Variants in CPEB1 observed in about 807,000 individuals in gnomAD.
CPEB1 encodes cytoplasmic polyadenylation element binding protein 1.
A neutral mutation model predicts 65.8 loss-of-function variants in CPEB1; 7 were observed. The observed-to-expected ratio is 0.11, with a 90% CI of 0.06 to 0.20. CPEB1 has a LOEUF of 0.20. Among genes scored for constraint, CPEB1 ranks in the 10% least tolerant of loss-of-function variants. The pLI, the probability that CPEB1 is intolerant of heterozygous loss-of-function variation, is 1.00. For synonymous variants in CPEB1, 262 were observed against 260.0 expected, an observed-to-expected ratio of 1.01 and a Z score of -0.08; for missense variants, 551 against 712.2, an observed-to-expected ratio of 0.77 and a Z score of 2.58.
intron 4 of CPEB1, among the ~76,000 whole-genome samples, chr15:82,561,012 A>G (rs1001879795): frequency 1.3e-5 from 2 of 152,254 alleles, no homozygotes; most frequent in African/African-American, 4.8e-5. Context: ...AAGACAGAAC[A>G]AAGTCAATAG....
intron 3 of CPEB1, among the ~76,000 whole-genome samples, chr15:82,578,070 G>A (rs996523958): frequency 1.3e-5 from 2 of 152,120 alleles, no homozygotes; most frequent in Non-Finnish European, 2.9e-5. Context: ...AACCCAGGAG[G>A]CGGAGTTTGC....
chr15:82,647,814 C>G, upstream of CPEB1: 1 of 1,282,796 alleles, frequency 7.8e-7, no homozygotes. Context: ...CTACTGCGGC[C>G]GGGACGCGGC....
intron 3 of CPEB1, among the ~76,000 whole-genome samples, chr15:82,609,720 G>C (rs1050165018): frequency 6.6e-6 from 1 of 151,174 alleles, no homozygotes; most frequent in Non-Finnish European, 1.5e-5. Context: ...AAGAAGAAAT[G>C]AAAGTGGGTA....
At chr15:82,572,886 G>T in intron 3 of CPEB1, 1 of 722,026 alleles carries the variant, frequency 1.4e-6, no homozygotes, top group Non-Finnish European at 2.1e-6. Flanking sequence ...TGGAGCTTCC[G>T]CCATTTCCTC....
intron 3 of CPEB1, among the ~76,000 whole-genome samples, chr15:82,609,048 A>G (rs2043887551): frequency 6.6e-6 from 1 of 152,226 alleles, no homozygotes; most frequent in South Asian, 2.1e-4. Context: ...GAAAACTGGA[A>G]AATTCTCAAA....
intron 3 of CPEB1, among the ~76,000 whole-genome samples, chr15:82,580,031 G>T (rs2041111397): frequency 1.6e-5 from 2 of 127,868 alleles, no homozygotes; most frequent in African/African-American, 5.7e-5. Flanking sequence ...TAGGAGAAAA[G>T]AAATAATGGG....
chr15:82,550,203 T>C (rs543424930), intron 9 of CPEB1, among the ~76,000 whole-genome samples: 1 of 152,294 alleles, frequency 6.6e-6, no homozygotes, highest in East Asian at 1.9e-4. Context: ...GAAAGTCACA[T>C]ACAAGATCCC....
intron 3 of CPEB1, among the ~76,000 whole-genome samples, chr15:82,595,258 T>C (rs1368073956): frequency 6.6e-6 from 1 of 152,250 alleles, no homozygotes; most frequent in Non-Finnish European, 1.5e-5. Context: ...TTTGGGATAT[T>C]ATGAACGACA....
chr15:82,555,394 T>TCC (rs1212640822), intron 6 of CPEB1, among the ~76,000 whole-genome samples: 3 of 152,186 alleles, frequency 2.0e-5, no homozygotes, highest in African/African-American at 2.4e-5. Context: ...AATGGACCCC[T>TCC]CCTTCCCCAG....
chr15:82,582,737 CTTTTT>C (rs11300517), intron 3 of CPEB1, among the ~76,000 whole-genome samples: 1 of 87,398 alleles, frequency 1.1e-5, no homozygotes, highest in Non-Finnish European at 2.1e-5. Context: ...ACTAGGAGTT[CTTTTT>C]TTTTTTTTTT....
At chr15:82,627,925 G>A (rs1311465049) in intron 2 of CPEB1, among the ~76,000 whole-genome samples, 2 of 152,034 alleles carry the variant, frequency 1.3e-5, no homozygotes, top group African/African-American at 4.8e-5. Flanking sequence ...TTTTAATACT[G>A]GACAATGCCC....
chr15:82,646,635 G>A (rs2047561121), intron 1 of CPEB1, among the ~76,000 whole-genome samples: 1 of 152,082 alleles, frequency 6.6e-6, no homozygotes, highest in African/African-American at 2.4e-5. Context: ...AAGCGCCCAA[G>A]AGCCCAGGCG....
At chr15:82,640,344 C>G (rs937157525) in intron 1 of CPEB1, among the ~76,000 whole-genome samples, 1 of 151,998 alleles carries the variant, frequency 6.6e-6, no homozygotes, top group Admixed American at 6.6e-5. Flanking sequence ...TTGTGCATGC[C>G]TTTTTATACT....
chr15:82,618,365 T>C (rs1474026589), intron 3 of CPEB1, among the ~76,000 whole-genome samples: 1 of 152,194 alleles, frequency 6.6e-6, no homozygotes, highest in Non-Finnish European at 1.5e-5. Context: ...TTCTCTCTCA[T>C]ATACACTTTG....
At chr15:82,581,437 C>T (rs783533) in intron 3 of CPEB1, among the ~76,000 whole-genome samples, 75,354 of 152,028 alleles carry the variant, frequency 0.5, 19,198 homozygotes, top group African/African-American at 0.62. Flanking sequence ...TTCAAGTCCT[C>T]GCTTTCAATT....
At chr15:82,582,340 G>A (rs2041357906) in intron 3 of CPEB1, among the ~76,000 whole-genome samples, 1 of 152,150 alleles carries the variant, frequency 6.6e-6, no homozygotes, top group Non-Finnish European at 1.5e-5. Flanking sequence ...ACTGCATGCA[G>A]GATAAAAATC....
upstream of CPEB1, chr15:82,647,609 G>GC: frequency 3.0e-6 from 1 of 329,382 alleles, no homozygotes. Flanking sequence ...CCCACCGGCC[G>GC]CCCCCGCAGG....
intron 4 of CPEB1, among the ~76,000 whole-genome samples, chr15:82,560,257 A>G (rs976810586): frequency 6.6e-6 from 1 of 152,252 alleles, no homozygotes; most frequent in African/African-American, 2.4e-5. Context: ...CACTGGTCTT[A>G]AAAGTGGTAC....
Position 82,641,242 on chromosome 15 carries a change from A to AG in CPEB1, c.-98+5894_-98+5895insC, listed in dbSNP as rs879802842. 1.7e-3 allele frequency among the ~76,000 whole-genome samples: 256 copies of AG among 152,284 alleles called. 3 individuals are homozygous for AG. The highest frequency in any genetic ancestry group is 0.013 in the Admixed American group (204 of 15,282). ...TCCAAGATTACAGCTTTAAAAAAAA[A>AG]CAAAAACAAAAACAAAAAGCCTCAG... is the stretch of plus-strand genomic sequence containing the variant. On this transcript the variant is annotated intron_variant, in intron 1 of 12. Coordinates refer to ENST00000684509, the MANE Select transcript of CPEB1 (RefSeq NM_001365242.1).
Sources: allele counts gnomAD v4.1 joint callset (sites outside exome capture counted in the v4.1 genomes callset), GRCh38; gene constraint gnomAD v4.1.1; transcripts MANE v1.5; gene names NCBI Gene and HGNC (gene_info 2026-07-23, HGNC 2026-07-21).